Variants in PCDH1 observed in about 807,000 individuals in gnomAD.
PCDH1 encodes protocadherin 1.
Under a neutral mutation model 74.6 loss-of-function variants are expected in PCDH1, and 23 were observed. The ratio of observed to expected loss-of-function variants is 0.31; its 90% CI spans 0.22 to 0.44. The LOEUF is 0.44. Ranked by LOEUF, PCDH1 falls within the 20% of genes least tolerant of loss-of-function variation. PCDH1 has a pLI of 1.00. For missense variants in PCDH1, 1,214 were observed against 1,641.4 expected, an observed-to-expected ratio of 0.74 and a Z score of 4.50; for synonymous variants, 647 against 686.1, an observed-to-expected ratio of 0.94 and a Z score of 0.89.
At position 141,864,129 on chromosome 5, in the gene PCDH1, C is replaced by G. The variant is rs62381424; in HGVS notation, c.2202G>C (p.Glu734Asp). 6.2e-7 allele frequency: 1 copy of G among 1,609,526 alleles called. No individual in the cohort carries two copies. Among genetic ancestry groups the G allele is most frequent in the Admixed American group, 1.7e-5 (1 of 59,920 alleles). ...KLLTPQTRLGETVSQVAAEDF... is the reference protein window; with the variant it reads ...KLLTPQTRLGDTVSQVAAEDF... ...CCTCGGCTGCCACCTGGCTGACCGT[C>G]TCACCAAGACGTGTCTGGGGGGTCA... The change falls in exon 3 of 5, where the codon GAG becomes GAC. Residue 734 changes from glutamate to aspartate, a missense_variant. Around this residue, in one of 4 missense-constraint regions of PCDH1, gnomAD observed 836 missense variants for 1,182.2 expected, o/e 0.71. Transcript: ENST00000287008. This position sits in a 1 kb window ranked among gnomAD's most constrained non-coding sequence, Gnocchi z 5.9.
chr5:141,869,814 T>G lies in PCDH1; in HGVS notation c.41-383A>C. The stretch of plus-strand genomic sequence containing the variant: ...ACCTCCTTCTCACGAGCATCCTGCC[T>G]TAGTCACCGATGGTAATTACCTTGA... On this transcript the variant is annotated intron_variant, in intron 1 of 4. Coordinates refer to ENST00000287008, the MANE Select transcript of PCDH1 (RefSeq NM_032420.5). The surrounding 1 kb of genome is among the most constrained non-coding windows in gnomAD (Gnocchi z 4.9). The G allele has an allele frequency of 1.0e-6, 1 of 985,214 alleles. No individual in the cohort carries two copies. The highest frequency in any genetic ancestry group is 1.2e-6 in the Non-Finnish European group (1 of 829,748). 61.0% of individuals were successfully genotyped at this position (985,214 alleles called of 1,614,324 possible). A position where few individuals can be genotyped will look rare whatever the true frequency, so the allele number is the denominator to read the frequency against.
intron 4 of PCDH1, among the ~76,000 whole-genome samples, chr5:141,856,724 C>T (rs1431375449): frequency 6.6e-6 from 1 of 152,120 alleles, no homozygotes; most frequent in Non-Finnish European, 1.5e-5. Flanking sequence ...CAAAGAGGTG[C>T]CAAACCTTCT....
In PCDH1 at chr5:141,868,808, C is replaced by A; in HGVS notation, c.664G>T (p.Ala222Ser). The change falls in exon 2 of 5, where the codon GCA becomes TCA. Residue 222 changes from alanine to serine, a missense_variant. Around this residue, in one of 4 missense-constraint regions of PCDH1, gnomAD observed 836 missense variants for 1,182.2 expected, o/e 0.71. Coordinates refer to ENST00000287008, the MANE Select transcript of PCDH1 (RefSeq NM_032420.5). The surrounding 1 kb of genome is among the most constrained non-coding windows in gnomAD (Gnocchi z 4.8). ...EAQELFGLQVAEDQEEKQPQL... is the reference protein window; with the variant it reads ...EAQELFGLQVSEDQEEKQPQL... ...GGTTGCTTCTCCTCCTGGTCCTCTG[C>A]CACCTGCAGCCCAAATAGCTCCTGG... 1 of 1,614,234 alleles carries A rather than the reference C, an allele frequency of 6.2e-7. No homozygotes were observed. The highest frequency in any genetic ancestry group is 2.2e-5 in the East Asian group (1 of 44,880).
At position 141,868,762 on chromosome 5, in the gene PCDH1, T is replaced by C. The variant is rs989994247; in HGVS notation, c.710A>G (p.Asn237Ser). ...EKQPQLIVMG[N>S]LDRERWDSYD... ...GGAGTCCCAGCGCTCACGGTCCAGG[T>C]TGCCCATCACAATGAGCTGTGGTTG... Residue 237 changes from asparagine to serine, a missense_variant, in exon 2 of 5, where the codon AAC becomes AGC. Physicochemically the swap from Asn to Ser is conservative, Grantham distance 46. This residue lies in a region of PCDH1 where 836 missense variants were observed against 1,182.2 expected (regional missense o/e 0.71). Coordinates refer to ENST00000287008, the MANE Select transcript of PCDH1 (RefSeq NM_032420.5). This position sits in a 1 kb window ranked among gnomAD's most constrained non-coding sequence, Gnocchi z 4.8. The C allele has an allele frequency of 1.1e-5, 17 of 1,614,198 alleles. No individual in the cohort carries two copies. Among genetic ancestry groups the C allele is most frequent in the Non-Finnish European group, 1.4e-5 (16 of 1,180,028 alleles).
In PCDH1 at chr5:141,864,139, C is replaced by T. The variant is rs200161054; in HGVS notation, c.2192G>A (p.Arg731His). The T allele has an allele frequency of 8.3e-5, 134 of 1,608,972 alleles. 1 individual carries two copies. The highest frequency in any genetic ancestry group is 5.7e-4 in the Admixed American group (34 of 59,876). ...CACCTGGCTGACCGTCTCACCAAGA[C>T]GTGTCTGGGGGGTCAGCAGCTTGTG... ...TSHKLLTPQT[R>H]LGETVSQVAA... The change falls in exon 3 of 5, where the codon CGT becomes CAT. Residue 731 changes from arginine (R) to histidine (H), a missense_variant. Physicochemically the swap from Arg to His is conservative, Grantham distance 29 (BLOSUM62 0). Around this residue, in one of 4 missense-constraint regions of PCDH1, gnomAD observed 836 missense variants for 1,182.2 expected, o/e 0.71. Transcript: ENST00000287008. This position sits in a 1 kb window ranked among gnomAD's most constrained non-coding sequence, Gnocchi z 5.9.
chr5:141,866,523 G>A (rs1752845038), intron 2 of PCDH1, among the ~76,000 whole-genome samples: 1 of 152,224 alleles, frequency 6.6e-6, no homozygotes, highest in Non-Finnish European at 1.5e-5. Flanking sequence ...CAGACAGAAT[G>A]TGACTGCTGT....
At chr5:141,862,352 C>T (rs995940932) in intron 3 of PCDH1, among the ~76,000 whole-genome samples, 3 of 152,176 alleles carry the variant, frequency 2.0e-5, no homozygotes, top group Non-Finnish European at 4.4e-5. Flanking sequence ...TATAGCTCCA[C>T]CTGCCCTTTC....
chr5:141,872,570 T>C (rs996849682), intron 1 of PCDH1, among the ~76,000 whole-genome samples: 3 of 152,212 alleles, frequency 2.0e-5, no homozygotes, highest in African/African-American at 7.2e-5. Context: ...GAATGATGTG[T>C]GGCCACTCCA....
intron 1 of PCDH1, among the ~76,000 whole-genome samples, chr5:141,872,345 C>A (rs868419765): frequency 2.6e-5 from 4 of 152,230 alleles, no homozygotes; most frequent in Admixed American, 2.6e-4. Context: ...GGGAAGCCCA[C>A]GGGAATTACC....
At position 141,869,043 on chromosome 5, in the gene PCDH1, G is replaced by C; in HGVS notation, c.429C>G (p.Leu143=). 6.2e-7 allele frequency: 1 copy of C among 1,614,052 alleles called. No individual in the cohort carries two copies. The highest frequency in any genetic ancestry group is 8.5e-7 in the Non-Finnish European group (1 of 1,180,022). ...ILEFEVSITD[L]VQNGSPRLLE... ...GCAGCCGGGGGCTGCCATTCTGCAC[G>C]AGGTCTGTGATAGATACCTCAAACT... Residue 143 remains leucine, a synonymous_variant, in exon 2 of 5, where the codon CTC becomes CTG. Coordinates refer to ENST00000287008, the MANE Select transcript of PCDH1 (RefSeq NM_032420.5). The surrounding 1 kb of genome is among the most constrained non-coding windows in gnomAD (Gnocchi z 4.9).
At chr5:141,866,213 C>T (rs1047824079) in intron 2 of PCDH1, 42 of 985,442 alleles carry the variant, frequency 4.3e-5, no homozygotes, top group Admixed American at 3.1e-4. Context: ...AACTTCTCCT[C>T]CCGACTGGCA....
At chr5:141,872,194 C>T (rs1753112607) in intron 1 of PCDH1, among the ~76,000 whole-genome samples, 1 of 130,418 alleles carries the variant, frequency 7.7e-6, no homozygotes, top group Non-Finnish European at 1.6e-5. Context: ...CCAACCCAAA[C>T]ACATCGTCAA....
intron 2 of PCDH1, among the ~76,000 whole-genome samples, chr5:141,867,868 C>T (rs567692268): frequency 6.6e-6 from 1 of 152,344 alleles, no homozygotes; most frequent in South Asian, 2.1e-4. Context: ...TTGCTCCCTC[C>T]CAGTCCCCAG....
At chr5:141,867,413 A>G in intron 2 of PCDH1, 1 of 344,884 alleles carries the variant, frequency 2.9e-6, no homozygotes, top group Non-Finnish European at 5.6e-6. Context: ...ATATCAGGCG[A>G]GTTTTCTAAT....
chr5:141,869,343 C>T lies in PCDH1; in HGVS notation c.129G>A (p.Leu43=). Residue 43 remains leucine, a synonymous_variant, in exon 2 of 5, where the codon CTG becomes CTA. Transcript: ENST00000287008. The surrounding 1 kb of genome is among the most constrained non-coding windows in gnomAD (Gnocchi z 4.9). Reference sequence around the variant, plus strand: ...GAGCCAGCAGGAGCAGCAGTGCTAGCAGCATGGAGGGCAGCAGTAGCCGTT... The same window carrying T: ...GAGCCAGCAGGAGCAGCAGTGCTAGTAGCATGGAGGGCAGCAGTAGCCGTT... ...GGQRLLLPSM[L]LALLLLLAPS... 6.3e-7 allele frequency: 1 copy of T among 1,597,960 alleles called. No individual in the cohort carries two copies. The highest frequency in any genetic ancestry group is 8.5e-7 in the Non-Finnish European group (1 of 1,173,912).
Position 141,863,395 on chromosome 5 carries a change from T to A in PCDH1, c.2936A>T (p.Gln979Leu). The A allele has an allele frequency of 1.3e-6, 2 of 1,551,330 alleles. No homozygotes were observed. The highest frequency in any genetic ancestry group is 2.5e-5 in the South Asian group (2 of 80,350). The change falls in exon 3 of 5, where the codon CAG becomes CTG. Residue 979 changes from glutamine to leucine, a missense_variant. Physicochemically the swap from Gln to Leu is moderately radical, Grantham distance 113. Coordinates refer to ENST00000287008, the MANE Select transcript of PCDH1 (RefSeq NM_032420.5). This position sits in a 1 kb window ranked among gnomAD's most constrained non-coding sequence, Gnocchi z 7.5. ...YRSNSPLPSI[Q>L]LQPQSPSASK... ...GGCTGAGGGTGACTGGGGCTGCAGC[T>A]GGATGGAAGGCAGTGGGGAGTTAGA... is the stretch of plus-strand genomic sequence containing the variant.
rs1372602785 is a variant in PCDH1, at chr5:141,865,676, C to A, written c.904-249G>T. The stretch of plus-strand genomic sequence containing the variant: ...TGCAAATCCTCAACAGTGCTACAGG[C>A]AACTATTGGAGATGGGACAGGGCAG... On this transcript the variant is annotated intron_variant, in intron 2 of 4. Transcript: ENST00000287008. The surrounding 1 kb of genome is among the most constrained non-coding windows in gnomAD (Gnocchi z 4.4). Among the ~76,000 whole-genome samples the A allele has an allele frequency of 1.3e-5, 2 of 152,164 alleles. No individual in the cohort carries two copies. Among genetic ancestry groups the A allele is most frequent in the African/African-American group, 4.8e-5 (2 of 41,430 alleles).
rs1466033837 is a variant in PCDH1, at chr5:141,863,280, G to A, written c.3051C>T (p.Tyr1017=). The change falls in exon 3 of 5, where the codon TAC becomes TAT. Residue 1017 remains tyrosine, a synonymous_variant. Transcript: ENST00000287008. This position sits in a 1 kb window ranked among gnomAD's most constrained non-coding sequence, Gnocchi z 7.5. The stretch of plus-strand genomic sequence containing the variant: ...GGTTGGTGCGGTAGCTGTAGTCGGA[G>A]TACTGCTCAGAGCCCGTGGACGTGG... ...GDTTSTGSEQ[Y]SDYSYRTNPP... is the part of the protein sequence containing the mutation. 1.9e-6 allele frequency: 3 copies of A among 1,591,032 alleles called. No homozygotes were observed. Among genetic ancestry groups the A allele is most frequent in the Non-Finnish European group, 2.6e-6 (3 of 1,168,690 alleles).
At chr5:141,855,099 A>G (rs971561149) in intron 4 of PCDH1, among the ~76,000 whole-genome samples, 1 of 151,530 alleles carries the variant, frequency 6.6e-6, no homozygotes, top group African/African-American at 2.4e-5. Context: ...AGACTCCCAA[A>G]TATCTGTGAC....
Sources: allele counts gnomAD v4.1 joint callset (sites outside exome capture counted in the v4.1 genomes callset), GRCh38; gene constraint gnomAD v4.1.1; regional missense constraint gnomAD v4.1.1; non-coding constraint Gnocchi (gnomAD v3.1); transcripts MANE v1.5; gene names NCBI Gene and HGNC (gene_info 2026-07-23, HGNC 2026-07-21).